The following SLC22A12 variants were observed in gnomAD, a reference collection of about 807,000 sequenced individuals.
SLC22A12 encodes the protein solute carrier family 22 member 12.
A neutral mutation model predicts 52.7 loss-of-function variants in SLC22A12; 56 were observed. That is an observed-to-expected ratio of 1.06 (90% CI 0.86 to 1.33). The LOEUF is 1.33. Among genes scored for constraint, SLC22A12 ranks in the 40% most tolerant of loss-of-function variants. SLC22A12 has a pLI of 0.00. For missense variants in SLC22A12, 683 were observed against 741.5 expected, an observed-to-expected ratio of 0.92 and a Z score of 0.92; for synonymous variants, 337 against 324.6, an observed-to-expected ratio of 1.04 and a Z score of -0.41.
Position 64,599,694 on chromosome 11 carries a change from CT to C in SLC22A12, c.1091del (p.Phe364SerfsTer37). Reference protein sequence around the residue: ...TLCWFAFGFTFFGLALDLQAL... With the variant: ...TLCWFAFGFTXFGLALDLQAL... The stretch of plus-strand genomic sequence containing the variant: ...GCCCCAGGTTCGCCTTTGGCTTCAC[CT>C]TCTTCGGCCTGGCCCTGGACCTGCA... On this transcript the variant is annotated frameshift_variant, in exon 7 of 10. Transcript: ENST00000377574. LOFTEE classifies it high-confidence loss of function. 6.7e-7 allele frequency: 1 copy of C among 1,489,000 alleles called. No individual in the cohort carries two copies. Among genetic ancestry groups the C allele is most frequent in the Non-Finnish European group, 9.1e-7 (1 of 1,101,332 alleles). 92.2% of individuals were successfully genotyped at this position (1,489,000 alleles called of 1,614,324 possible).
chr11:64,593,955 C>A (rs906029891), intron 4 of SLC22A12, 152 bp downstream of exon 4: 16 of 1,222,604 alleles, frequency 1.3e-5, no homozygotes, highest in Non-Finnish European at 1.8e-5. Flanking sequence ...GCAGAGTGTA[C>A]CACCCACAAA....
At chr11:64,595,689 TG>T (rs1274419488) in intron 4 of SLC22A12, among the ~76,000 whole-genome samples, 1 of 145,622 alleles carries the variant, frequency 6.9e-6, no homozygotes, top group African/African-American at 2.6e-5. Context: ...GATGGATGGA[TG>T]GTTGGAATAG....
At chr11:64,596,381 ATGGATGGATGGT>A (rs1358133074) in intron 4 of SLC22A12, among the ~76,000 whole-genome samples, 1 of 138,008 alleles carries the variant, frequency 7.2e-6, no homozygotes, top group South Asian at 2.3e-4. Context: ...GATGGAATGG[ATGGATGGATGGT>A]TGGATGGATG....
At position 64,593,403 on chromosome 11, in the gene SLC22A12, A is replaced by C; in HGVS notation, c.507-2A>C. On this transcript the variant is annotated splice_acceptor_variant, in intron 2 of 9. Transcript: ENST00000377574. LOFTEE classifies it high-confidence loss of function. ...CCTGCCTCTTCCTGGTTTGTGCCGC[A>C]GGTTTGGGCGCAGGCTGGTGCTAAC... 1 of 1,614,068 alleles carries C rather than the reference A, an allele frequency of 6.2e-7. No homozygotes were observed. Among genetic ancestry groups the C allele is most frequent in the Non-Finnish European group, 8.5e-7 (1 of 1,180,036 alleles).
rs529633858 is a variant in SLC22A12 at position 64,598,866 on chromosome 11, G to A, written c.1013G>A (p.Gly338Asp). 3.1e-6 allele frequency: 5 copies of A among 1,612,832 alleles called. No homozygotes were observed. Among genetic ancestry groups the A allele is most frequent in the South Asian group, 1.1e-5 (1 of 91,086 alleles). ...ATGGGCCAGCCTCCTGCCAGCCTGGGCACCCTGCTCCGCATGCCCGGACTG... is the reference window on the plus strand; with the variant it reads ...ATGGGCCAGCCTCCTGCCAGCCTGGACACCCTGCTCCGCATGCCCGGACTG... ...LSMGQPPASL[G>D]TLLRMPGLRF... Residue 338 changes from glycine to aspartate, a missense_variant, in exon 6 of 10, where the codon GGC (glycine) becomes GAC (aspartate). Physicochemically the swap from Gly to Asp is moderately conservative, Grantham distance 94 (BLOSUM62 -1). Transcript: ENST00000377574.
At position 64,601,832 on chromosome 11, in the gene SLC22A12, G is replaced by A. The variant is rs1030469675; in HGVS notation, c.*281G>A. The A allele has an allele frequency of 4.3e-5, 19 of 445,134 alleles. No individual in the cohort carries two copies. In the East Asian group the frequency reaches 8.4e-4, roughly 20 times the overall value. The allele number at this position is 445,134 out of a possible 1,614,324, so 27.6% of individuals were successfully genotyped here. ...CCTCGTGGCTTCGGAGAGCAGAGGG[G>A]TCAGGCCCAGGGGAACGAGCTGGCC... On this transcript the variant is annotated 3_prime_UTR_variant, in exon 10 of 10. Transcript: ENST00000377574.
intron 4 of SLC22A12, among the ~76,000 whole-genome samples, chr11:64,596,629 A>G (rs1212043087): frequency 1.3e-5 from 2 of 152,178 alleles, no homozygotes; most frequent in Non-Finnish European, 2.9e-5. Context: ...GAGTCCACAA[A>G]TCTCTCCCAC....
chr11:64,599,259 G>A (rs969180541), intron 6 of SLC22A12, among the ~76,000 whole-genome samples: 11 of 152,156 alleles, frequency 7.2e-5, no homozygotes, highest in African/African-American at 9.7e-5. Flanking sequence ...CAGGGAGGGC[G>A]GAGAGGGCTT....
chr11:64,591,986 T>G (rs1287224763), intron 1 of SLC22A12, 28 bp downstream of exon 1: 1 of 1,604,794 alleles, frequency 6.2e-7, no homozygotes, highest in Middle Eastern at 1.7e-4. Flanking sequence ...GCCACTCGAG[T>G]CCCACCACCT....
chr11:64,595,094 A>AGGAT (rs752538108), intron 4 of SLC22A12, among the ~76,000 whole-genome samples: 5,639 of 40,016 alleles, frequency 0.14, 857 homozygotes, highest in Middle Eastern at 0.27. Flanking sequence ...ATAGATGGAA[A>AGGAT]GGATGGATGG....
chr11:64,598,954 C>T (rs2039346869), intron 6 of SLC22A12, 31 bp downstream of exon 6: 1 of 1,609,970 alleles, frequency 6.2e-7, no homozygotes, highest in South Asian at 1.1e-5. Flanking sequence ...CCCACCTCCA[C>T]AGGGGAACCT....
intron 7 of SLC22A12, among the ~76,000 whole-genome samples, chr11:64,600,150 C>G (rs2039404522): frequency 6.6e-6 from 1 of 152,196 alleles, no homozygotes; most frequent in African/African-American, 2.4e-5. Flanking sequence ...GAAACGGGGT[C>G]AAGAAGGACT....
Position 64,592,850 on chromosome 11 carries a change from G to A in SLC22A12, c.474G>A (p.Val158=), listed in dbSNP as rs1389724730. ...CCATCTACCTGGCTGGGATTCTGGT[G>A]GGAGCTGCTGCGTGCGGCCCTGCCT... is the stretch of plus-strand genomic sequence containing the variant. ...AQSIYLAGIL[V]GAAACGPASD... Residue 158 remains valine, a synonymous_variant, in exon 2 of 10, where the codon GTG becomes GTA. Coordinates refer to ENST00000377574, the MANE Select transcript of SLC22A12 (RefSeq NM_144585.4). The A allele has an allele frequency of 2.5e-6, 4 of 1,613,818 alleles. No homozygotes were observed. Among genetic ancestry groups the A allele is most frequent in the Non-Finnish European group, 3.4e-6 (4 of 1,180,020 alleles).
Position 64,593,461 on chromosome 11 carries a change from C to T in SLC22A12, c.563C>T (p.Thr188Met), listed in dbSNP as rs778952164. The T allele has an allele frequency of 5.2e-5, 84 of 1,614,110 alleles. No individual in the cohort carries two copies. Among genetic ancestry groups the T allele is most frequent in the Non-Finnish European group, 6.9e-5 (81 of 1,180,040 alleles). ...WSYLQMAVMG[T>M]AAAFAPAFPV... The stretch of plus-strand genomic sequence containing the variant: ...TACCTTCAGATGGCTGTGATGGGTA[C>T]GGCAGCTGCCTTCGCCCCTGCCTTC... Residue 188 changes from threonine to methionine, a missense_variant, in exon 3 of 10, where the codon ACG becomes ATG. Transcript: ENST00000377574.
At chr11:64,601,394 G>A in intron 9 of SLC22A12, 94 bp from the exon 10 acceptor site, 1 of 1,280,874 alleles carries the variant, frequency 7.8e-7, no homozygotes, top group Non-Finnish European at 1.1e-6. Flanking sequence ...AGAGCAGGGT[G>A]GTGGCATTCC....
chr11:64,600,718 T>G lies in SLC22A12; in HGVS notation c.1395-17T>G. On this transcript the variant is annotated splice_polypyrimidine_tract_variant and intron_variant, in intron 8 of 9. Coordinates refer to ENST00000377574, the MANE Select transcript of SLC22A12 (RefSeq NM_144585.4). The stretch of plus-strand genomic sequence containing the variant: ...GGCACACAGACCAGGCGCTTATAGG[T>G]GCATCTGCATTGGCAGGATGACGGC... 1 of 1,603,544 alleles carries G rather than the reference T, an allele frequency of 6.2e-7. No homozygotes were observed. The highest frequency in any genetic ancestry group is 8.5e-7 in the Non-Finnish European group (1 of 1,179,812).
chr11:64,601,336 C>A (rs1038590404), intron 9 of SLC22A12, 152 bp from the exon 10 acceptor site: 4 of 771,152 alleles, frequency 5.2e-6, no homozygotes. Context: ...TCACTTCACA[C>A]ACACCCCCAA....
In SLC22A12 at chr11:64,599,675, G is replaced by A. The variant is rs561575477; in HGVS notation, c.1071-1G>A. 3.1e-5 allele frequency: 46 copies of A among 1,503,992 alleles called. 1 individual carries two copies. In the South Asian group the frequency reaches 5.6e-4, roughly 18 times the overall value. 93.2% of individuals were successfully genotyped at this position (1,503,992 alleles called of 1,614,324 possible). A position where few individuals can be genotyped will look rare whatever the true frequency, so the allele number is the denominator to read the frequency against. ...CCTGACTTCCCTGACCCCTGCCCCA[G>A]GTTCGCCTTTGGCTTCACCTTCTTC... On this transcript the variant is annotated splice_acceptor_variant, in intron 6 of 9. Coordinates refer to ENST00000377574, the MANE Select transcript of SLC22A12 (RefSeq NM_144585.4). LOFTEE classifies it high-confidence loss of function.
Position 64,600,844 on chromosome 11 carries a change from G to T in SLC22A12, c.1504G>T (p.Gly502Trp). Residue 502 changes from glycine (G) to tryptophan (W), a missense_variant, in exon 9 of 10, where the codon GGG becomes TGG. Transcript: ENST00000377574. ...HGPWLPLLVY[G>W]TVPVLSGLAA... ...CCCCTGGCTGCCCTTGCTGGTGTAT[G>T]GGACGGTGCCAGTGCTGAGTGGCCT... 1 of 1,608,354 alleles carries T rather than the reference G, an allele frequency of 6.2e-7. No homozygotes were observed. Among genetic ancestry groups the T allele is most frequent in the South Asian group, 1.1e-5 (1 of 91,072 alleles).
Sources: allele counts gnomAD v4.1 joint callset (sites outside exome capture counted in the v4.1 genomes callset), GRCh38; gene constraint gnomAD v4.1.1; transcripts MANE v1.5; gene names NCBI Gene and HGNC (gene_info 2026-07-23, HGNC 2026-07-21).